Variants in ITGA6 observed in about 807,000 individuals in gnomAD.
The protein encoded by ITGA6 is integrin alpha-6.
ITGA6 carries 63 observed loss-of-function variants against 133.6 expected under a neutral mutation model. That is an observed-to-expected ratio of 0.47 (90% CI 0.38 to 0.58). ITGA6 has a LOEUF of 0.58. Among genes scored for constraint, ITGA6 ranks in the 20% least tolerant of loss-of-function variants. The pLI, the probability that ITGA6 is intolerant of heterozygous loss-of-function variation, is 0.00. For missense variants in ITGA6, 1,068 were observed against 1,309.4 expected (o/e 0.82, Z 2.85); for synonymous variants, 434 against 482.0 (o/e 0.90, Z 1.30).
At chr2:172,477,400 A>T (rs552417018) in intron 9 of ITGA6, among the ~76,000 whole-genome samples, 235 of 152,254 alleles carry the variant, frequency 1.5e-3, no homozygotes, top group Non-Finnish European at 1.7e-3. Flanking sequence ...TATTTTTTTT[A>T]AAGTTAATAA....
At chr2:172,442,466 T>C (rs1181156010) in intron 1 of ITGA6, among the ~76,000 whole-genome samples, 3 of 152,184 alleles carry the variant, frequency 2.0e-5, no homozygotes, top group African/African-American at 7.2e-5. Flanking sequence ...GTTGGATGTA[T>C]TTTCATAGCT....
chr2:172,445,431 C>T (rs1235295767), intron 1 of ITGA6, among the ~76,000 whole-genome samples: 2 of 148,444 alleles, frequency 1.3e-5, no homozygotes, highest in Admixed American at 6.7e-5. Flanking sequence ...GGGCAGATCA[C>T]GAGGTCAGGA....
chr2:172,452,643 TTGCTAG>T (rs774516614), intron 1 of ITGA6, among the ~76,000 whole-genome samples: 5 of 152,208 alleles, frequency 3.3e-5, no homozygotes, highest in Non-Finnish European at 7.3e-5. Flanking sequence ...ACATTCAAAA[TTGCTAG>T]TGCTGTTAGT....
In ITGA6 at chr2:172,495,308, T is replaced by C. The variant is rs1244404512; in HGVS notation, c.2989-2667T>C. 3.9e-5 allele frequency: 6 copies of C among 152,216 alleles called. No homozygotes were observed. The East Asian group carries it at 9.6e-4, about 24-fold the overall frequency. 9.4% of individuals were successfully genotyped at this position (152,216 alleles called of 1,614,324 possible). A position where few individuals can be genotyped will look rare whatever the true frequency, so the allele number is the denominator to read the frequency against. ...CGTCATCCCCATGGAAATAACTACA[T>C]TGTAATGAAACCAAAGGTAAGAAAT... On this transcript the variant is annotated intron_variant, in intron 23 of 25. Coordinates refer to ENST00000684293, the MANE Select transcript of ITGA6 (RefSeq NM_000210.4).
At chr2:172,441,597 C>CAAAAAAAA (rs1684547284) in intron 1 of ITGA6, among the ~76,000 whole-genome samples, 13 of 94,222 alleles carry the variant, frequency 1.4e-4, no homozygotes, top group African/African-American at 4.0e-4. Context: ...AAAAAAAAAT[C>CAAAAAAAA]AAACCTCAGT....
chr2:172,477,183 T>A (rs1261599253), intron 9 of ITGA6, among the ~76,000 whole-genome samples: 1 of 152,172 alleles, frequency 6.6e-6, no homozygotes, highest in Non-Finnish European at 1.5e-5. Context: ...ATTTCCTTAT[T>A]ATAAATTCCT....
At chr2:172,430,595 C>T (rs1684066304) in intron 1 of ITGA6, among the ~76,000 whole-genome samples, 1 of 152,138 alleles carries the variant, frequency 6.6e-6, no homozygotes, top group Non-Finnish European at 1.5e-5. Context: ...TTCTATAGTG[C>T]CTTTAACTAT....
At chr2:172,459,208 T>C (rs1685330999) in intron 1 of ITGA6, among the ~76,000 whole-genome samples, 1 of 152,086 alleles carries the variant, frequency 6.6e-6, no homozygotes, top group Non-Finnish European at 1.5e-5. Flanking sequence ...TTGGGTAAAG[T>C]AGAGAACGTG....
intron 1 of ITGA6, among the ~76,000 whole-genome samples, chr2:172,455,522 G>C (rs1202930216): frequency 6.6e-6 from 1 of 152,198 alleles, no homozygotes; most frequent in Non-Finnish European, 1.5e-5. Flanking sequence ...CACCAACCCT[G>C]ACTGCAGCTG....
chr2:172,478,688 A>G (rs991588805), intron 9 of ITGA6, among the ~76,000 whole-genome samples: 2 of 152,254 alleles, frequency 1.3e-5, no homozygotes, highest in African/African-American at 4.8e-5. Context: ...GGGTTGCAGT[A>G]GGCAGCGCAG....
chr2:172,456,980 T>C (rs1685232570), intron 1 of ITGA6, among the ~76,000 whole-genome samples: 1 of 152,120 alleles, frequency 6.6e-6, no homozygotes, highest in South Asian at 2.1e-4. Context: ...ACTTTGGTTT[T>C]AAATAAAAAT....
chr2:172,447,089 G>A lies in ITGA6; in HGVS notation c.183-18450G>A, dbSNP rs796307068. ...ATTTTTGTATTTTTAGTAGAGATGG[G>A]GTTTCGCCATGTGGGCCAGGTTGGT... is the stretch of plus-strand genomic sequence containing the variant. On this transcript the variant is annotated intron_variant, in intron 1 of 25. Coordinates refer to ENST00000684293, the MANE Select transcript of ITGA6 (RefSeq NM_000210.4). Among the ~76,000 whole-genome samples, 7 of 152,160 alleles carry A rather than the reference G, an allele frequency of 4.6e-5. 1 individual carries two copies. The highest frequency in any genetic ancestry group is 1.7e-4 in the African/African-American group (7 of 41,504).
intron 23 of ITGA6, among the ~76,000 whole-genome samples, chr2:172,493,986 T>C (rs1687026203): frequency 6.6e-6 from 1 of 152,204 alleles, no homozygotes; most frequent in Non-Finnish European, 1.5e-5. Context: ...GTGAATGGGT[T>C]ACTGGTCTCA....
intron 16 of ITGA6, 25 bp from the exon 17 acceptor site, chr2:172,487,703 T>C: frequency 1.2e-6 from 2 of 1,600,262 alleles, no homozygotes; most frequent in Non-Finnish European, 1.7e-6. Flanking sequence ...ATGGCCTGTG[T>C]TAACAGCTAT....
At chr2:172,481,661 G>A (rs1356214473) in intron 11 of ITGA6, among the ~76,000 whole-genome samples, 1 of 152,174 alleles carries the variant, frequency 6.6e-6, no homozygotes, top group Non-Finnish European at 1.5e-5. Flanking sequence ...GTCTCCTGCT[G>A]TGTGGTCTCT....
chr2:172,497,028 G>A (rs772982880), intron 23 of ITGA6, among the ~76,000 whole-genome samples: 103 of 152,174 alleles, frequency 6.8e-4, no homozygotes, highest in Non-Finnish European at 1.3e-3. Flanking sequence ...AGCCATTTCA[G>A]GAAATGTTAT....
rs114005087 is a variant in ITGA6, at chr2:172,504,663, C to T, written c.*595C>T. ...GGGCCTGCTGCGCAGACGTCCATCACGTTAGCTGTCCCACATCACAAGACT... is the reference window on the plus strand; with the variant it reads ...GGGCCTGCTGCGCAGACGTCCATCATGTTAGCTGTCCCACATCACAAGACT... On this transcript the variant is annotated 3_prime_UTR_variant, in exon 26 of 26. Transcript: ENST00000684293. 0.046 allele frequency: 7,226 copies of T among 156,530 alleles called. 326 individuals carry two copies. The highest frequency in any genetic ancestry group is 0.19 in the East Asian group (1,003 of 5,378). 9.7% of individuals were successfully genotyped at this position (156,530 alleles called of 1,614,324 possible). A position where few individuals can be genotyped will look rare whatever the true frequency, so the allele number is the denominator to read the frequency against.
chr2:172,474,497 G>T lies in ITGA6; in HGVS notation c.986+232G>T, dbSNP rs551230146. Among the ~76,000 whole-genome samples the T allele has an allele frequency of 2.7e-5, 4 of 148,088 alleles. No homozygotes were observed. In the South Asian group the frequency reaches 8.7e-4, roughly 32 times the overall value. On this transcript the variant is annotated intron_variant, in intron 6 of 25. Transcript: ENST00000684293. ...TTTTCAGTTTTTACTTATATGTTGG[G>T]ATCATGAGTCTATGAGAATTAAAAT...
Position 172,504,134 on chromosome 2 carries a change from G to A in ITGA6, c.*66G>A, listed in dbSNP as rs745998032. 5 of 1,599,988 alleles carry A rather than the reference G, an allele frequency of 3.1e-6. No individual in the cohort carries two copies. The highest frequency in any genetic ancestry group is 1.7e-4 in the Middle Eastern group (1 of 6,060). ...TCTAGGTACGATGACAGTGTTCCCCGATACCATGCTGTAAGGATCCGGAAA... is the reference window on the plus strand; with the variant it reads ...TCTAGGTACGATGACAGTGTTCCCCAATACCATGCTGTAAGGATCCGGAAA... On this transcript the variant is annotated 3_prime_UTR_variant, in exon 26 of 26. Transcript: ENST00000684293.
Sources: allele counts gnomAD v4.1 joint callset (sites outside exome capture counted in the v4.1 genomes callset), GRCh38; gene constraint gnomAD v4.1.1; transcripts MANE v1.5; gene names NCBI Gene and HGNC (gene_info 2026-07-23, HGNC 2026-07-21).